The following GRM7 variants were observed in gnomAD, a reference collection of about 807,000 sequenced individuals.
GRM7 encodes metabotropic glutamate receptor 7.
A neutral mutation model predicts 84.5 loss-of-function variants in GRM7; 35 were observed. The ratio of observed to expected loss-of-function variants is 0.41; its 90% CI spans 0.32 to 0.55. GRM7 has a LOEUF of 0.55. GRM7 is among the 20% of genes least tolerant of loss of function. The pLI is 0.19. For synonymous variants in GRM7, 487 were observed against 455.1 expected (o/e 1.07, Z -0.89); for missense variants, 1,003 against 1,194.6 (o/e 0.84, Z 2.36).
intron 4 of GRM7, among the ~76,000 whole-genome samples, chr3:7,393,163 T>C (rs1470127702): frequency 6.6e-6 from 1 of 152,132 alleles, no homozygotes; most frequent in Non-Finnish European, 1.5e-5. Flanking sequence ...CAGGAACGCA[T>C]GGCCATGCCC....
intron 9 of GRM7, among the ~76,000 whole-genome samples, chr3:7,706,956 G>A (rs1701410126): frequency 6.6e-6 from 1 of 151,412 alleles, no homozygotes; most frequent in African/African-American, 2.4e-5. Context: ...CTTTGGGAAA[G>A]GTTAAATTCT....
chr3:7,019,732 G>A (rs60772079), intron 1 of GRM7, among the ~76,000 whole-genome samples: 2,140 of 152,234 alleles, frequency 0.014, 55 homozygotes, highest in African/African-American at 0.049. Flanking sequence ...TGAAAGTGTA[G>A]CCTGTGAAGA....
intron 1 of GRM7, among the ~76,000 whole-genome samples, chr3:7,118,337 C>T (rs561583435): frequency 1.3e-5 from 2 of 152,008 alleles, no homozygotes; most frequent in South Asian, 4.2e-4. Context: ...CTATAGTGAG[C>T]TGTGGTCATA....
chr3:6,898,681 A>AT (rs941072195), intron 1 of GRM7, among the ~76,000 whole-genome samples: 8 of 151,544 alleles, frequency 5.3e-5, no homozygotes, highest in South Asian at 4.2e-4. Context: ...TATTTTGGCT[A>AT]TTTTTTTTGG....
At chr3:7,598,735 C>G (rs1696167154) in intron 8 of GRM7, among the ~76,000 whole-genome samples, 1 of 152,036 alleles carries the variant, frequency 6.6e-6, no homozygotes. Flanking sequence ...TCAAAGTGGG[C>G]TGGGTACAGA....
At chr3:7,245,536 A>C (rs1424426597) in intron 2 of GRM7, among the ~76,000 whole-genome samples, 1 of 152,116 alleles carries the variant, frequency 6.6e-6, no homozygotes, top group Non-Finnish European at 1.5e-5. Flanking sequence ...AGAAGGAAAC[A>C]AAAAGTAAAA....
intron 1 of GRM7, among the ~76,000 whole-genome samples, chr3:7,004,608 C>G (rs1244109702): frequency 6.6e-6 from 1 of 152,120 alleles, no homozygotes; most frequent in African/African-American, 2.4e-5. Context: ...TAACGAGAAA[C>G]TTCACTCATA....
intron 2 of GRM7, among the ~76,000 whole-genome samples, chr3:7,174,820 G>A (rs1280251925): frequency 6.6e-6 from 1 of 152,152 alleles, no homozygotes; most frequent in Non-Finnish European, 1.5e-5. Flanking sequence ...TGCCTTCCAG[G>A]GCAACTTTAC....
intron 8 of GRM7, among the ~76,000 whole-genome samples, chr3:7,604,149 A>T (rs1014011960): frequency 3.3e-5 from 5 of 149,316 alleles, no homozygotes; most frequent in South Asian, 2.1e-4. Flanking sequence ...AAAAAAAAAA[A>T]GCATAACTTT....
chr3:7,614,189 C>A lies in GRM7; in HGVS notation c.2451+34832C>A, dbSNP rs150431684. On this transcript the variant is annotated intron_variant, in intron 8 of 9. Coordinates refer to ENST00000357716, the MANE Select transcript of GRM7 (RefSeq NM_000844.4). ...CCGAGGCTGGAGAATTGCTTGAACC[C>A]GTGAGGCAGAGGTTGCAGTGAGCTG... Among the ~76,000 whole-genome samples the A allele has an allele frequency of 2.9e-4, 44 of 152,222 alleles. 1 individual carries two copies. The highest frequency in any genetic ancestry group is 1.9e-3 in the East Asian group (10 of 5,178).
At chr3:7,701,547 C>T (rs550512947) in intron 9 of GRM7, among the ~76,000 whole-genome samples, 1 of 152,200 alleles carries the variant, frequency 6.6e-6, no homozygotes, top group South Asian at 2.1e-4. Context: ...TCGTGATCCA[C>T]TCGCCTCGGC....
At chr3:7,177,538 AAGGGAGGG>A (rs141170709) in intron 2 of GRM7, among the ~76,000 whole-genome samples, 1 of 136,386 alleles carries the variant, frequency 7.3e-6, no homozygotes, top group African/African-American at 2.7e-5. Context: ...AGGAGGGAGG[AAGGGAGGG>A]AGGGAGGGAG....
At chr3:7,713,094 C>T (rs141988116) in intron 9 of GRM7, among the ~76,000 whole-genome samples, 2 of 146,000 alleles carry the variant, frequency 1.4e-5, no homozygotes, top group Non-Finnish European at 1.5e-5. Context: ...AGGTCATATT[C>T]ACAGATAGAG....
At chr3:7,108,971 G>A (rs1159043387) in intron 1 of GRM7, among the ~76,000 whole-genome samples, 1 of 152,058 alleles carries the variant, frequency 6.6e-6, no homozygotes, top group Non-Finnish European at 1.5e-5. Flanking sequence ...TTTTCCCAGA[G>A]TAATGTTAAG....
At chr3:6,892,088 T>C (rs1327163599) in intron 1 of GRM7, among the ~76,000 whole-genome samples, 1 of 152,210 alleles carries the variant, frequency 6.6e-6, no homozygotes, top group East Asian at 1.9e-4. Context: ...CTCCATCAGC[T>C]CCTTTAAGCA....
At chr3:7,551,980 G>C (rs1693500904) in intron 7 of GRM7, among the ~76,000 whole-genome samples, 1 of 152,158 alleles carries the variant, frequency 6.6e-6, no homozygotes, top group African/African-American at 2.4e-5. Context: ...GAGAAGTGCT[G>C]AGTGAAGTGG....
intron 1 of GRM7, among the ~76,000 whole-genome samples, chr3:7,003,243 G>A (rs377223051): frequency 6.6e-6 from 1 of 152,076 alleles, no homozygotes; most frequent in Non-Finnish European, 1.5e-5. Context: ...GATTTCTAAT[G>A]TTCTCACCAC....
At chr3:7,708,000 CAG>C (rs1285859667) in intron 9 of GRM7, among the ~76,000 whole-genome samples, 1 of 144,952 alleles carries the variant, frequency 6.9e-6, no homozygotes, top group Non-Finnish European at 1.5e-5. Flanking sequence ...CTTCCAAACT[CAG>C]AGACTGAATT....
At position 6,929,243 on chromosome 3, in the gene GRM7, A is replaced by G. The variant is rs528234229; in HGVS notation, c.519+67336A>G. 2.0e-4 allele frequency among the ~76,000 whole-genome samples: 30 copies of G among 152,302 alleles called. No individual in the cohort carries two copies. The South Asian group carries it at 5.4e-3, about 27-fold the overall frequency. Reference sequence around the variant, plus strand: ...GAGGGCGCATATTCATTTTTTAATAACACACAGAGCATCCACCCCTGCTCC... The same window carrying G: ...GAGGGCGCATATTCATTTTTTAATAGCACACAGAGCATCCACCCCTGCTCC... On this transcript the variant is annotated intron_variant, in intron 1 of 9. Transcript: ENST00000357716.
Sources: allele counts gnomAD v4.1 joint callset (sites outside exome capture counted in the v4.1 genomes callset), GRCh38; gene constraint gnomAD v4.1.1; transcripts MANE v1.5; gene names NCBI Gene and HGNC (gene_info 2026-07-23, HGNC 2026-07-21).